Variants in UBE2E2 observed in about 807,000 individuals in gnomAD.
The protein encoded by UBE2E2 is ubiquitin-conjugating enzyme E2 E2.
In UBE2E2, 6 loss-of-function variants were observed where a neutral mutation model predicts 24.7. The ratio of observed to expected loss-of-function variants is 0.24; its 90% CI spans 0.13 to 0.48. The LOEUF (loss-of-function observed/expected upper bound fraction) is 0.48, where lower values mean the gene tolerates loss of function less well. UBE2E2 is among the 20% of genes least tolerant of loss of function. The probability of loss-of-function intolerance (pLI) is 0.99; values close to 1 mark genes in which losing one functional copy is unlikely to be tolerated. For synonymous variants in UBE2E2, 104 were observed against 83.6 expected, an observed-to-expected ratio of 1.24 and a Z score of -1.33; for missense variants, 169 against 245.0, an observed-to-expected ratio of 0.69 and a Z score of 2.07.
intron 3 of UBE2E2, among the ~76,000 whole-genome samples, chr3:23,422,792 A>G (rs1044771230): frequency 6.6e-6 from 1 of 152,216 alleles, no homozygotes; most frequent in Admixed American, 6.5e-5. Flanking sequence ...GTTCCTGGAA[A>G]GTGGTGTTCA....
chr3:23,441,976 T>C (rs1220519108), intron 3 of UBE2E2, among the ~76,000 whole-genome samples: 1 of 152,232 alleles, frequency 6.6e-6, no homozygotes, highest in Non-Finnish European at 1.5e-5. Context: ...GTGATTTAAA[T>C]TGAAGTTCCC....
At chr3:23,433,405 C>A (rs1343459661) in intron 3 of UBE2E2, among the ~76,000 whole-genome samples, 1 of 151,660 alleles carries the variant, frequency 6.6e-6, no homozygotes, top group Admixed American at 6.6e-5. Context: ...TGATAGAGTT[C>A]TTGAGTGTTT....
At chr3:23,225,766 C>T (rs1490897395) in intron 3 of UBE2E2, among the ~76,000 whole-genome samples, 1 of 152,126 alleles carries the variant, frequency 6.6e-6, no homozygotes, top group East Asian at 1.9e-4. Context: ...TGTCTTAACT[C>T]ATTAGGTAAG....
intron 3 of UBE2E2, among the ~76,000 whole-genome samples, chr3:23,479,416 A>G (rs1441489662): frequency 1.3e-5 from 2 of 152,200 alleles, no homozygotes; most frequent in African/African-American, 4.8e-5. Context: ...TGGAGACCCC[A>G]GGAACAGCAG....
chr3:23,411,645 A>G (rs1179103393), intron 3 of UBE2E2, among the ~76,000 whole-genome samples: 1 of 152,186 alleles, frequency 6.6e-6, no homozygotes. Context: ...CTTCGTCTAT[A>G]ATTGTATGTC....
At chr3:23,222,817 C>G (rs868286257) in intron 3 of UBE2E2, among the ~76,000 whole-genome samples, 2 of 149,380 alleles carry the variant, frequency 1.3e-5, no homozygotes, top group African/African-American at 4.9e-5. Context: ...AGTGGCTGTA[C>G]TAATTTACAT....
At chr3:23,232,026 TA>T (rs1271138418) in intron 3 of UBE2E2, among the ~76,000 whole-genome samples, 2 of 152,198 alleles carry the variant, frequency 1.3e-5, no homozygotes, top group Non-Finnish European at 2.9e-5. Flanking sequence ...TTGGACCTCT[TA>T]TGGAGACCTT....
At chr3:23,352,710 A>G (rs1210501836) in intron 3 of UBE2E2, among the ~76,000 whole-genome samples, 1 of 152,180 alleles carries the variant, frequency 6.6e-6, no homozygotes, top group African/African-American at 2.4e-5. Context: ...TGAATAGACC[A>G]ATAACAGGCT....
rs1696743045 is a variant in UBE2E2, at chr3:23,590,791, T to C, written c.*960T>C. 1.3e-5 allele frequency: 2 copies of C among 152,262 alleles called. No individual in the cohort carries two copies. The highest frequency in any genetic ancestry group is 4.1e-4 in the South Asian group (2 of 4,834). 9.4% of individuals were successfully genotyped at this position (152,262 alleles called of 1,614,324 possible). On this transcript the variant is annotated 3_prime_UTR_variant, in exon 6 of 6. Transcript: ENST00000396703. ...TTGTTATAGTAAATTGCTATCATTT[T>C]ACATATTGACTGGGCATTCTTTCTG...
chr3:23,398,324 C>CAAAA (rs57071884), intron 3 of UBE2E2, among the ~76,000 whole-genome samples: 2 of 140,762 alleles, frequency 1.4e-5, no homozygotes, highest in Admixed American at 7.1e-5. Context: ...AAAAAAAAAA[C>CAAAA]AAAAAAAAAC....
At chr3:23,375,761 G>C (rs569832152) in intron 3 of UBE2E2, among the ~76,000 whole-genome samples, 1 of 152,248 alleles carries the variant, frequency 6.6e-6, no homozygotes, top group Non-Finnish European at 1.5e-5. Flanking sequence ...TCTTGAATAT[G>C]CTCTAGACAC....
At chr3:23,518,001 A>G (rs555018450) in intron 4 of UBE2E2, among the ~76,000 whole-genome samples, 1 of 152,260 alleles carries the variant, frequency 6.6e-6, no homozygotes, top group East Asian at 1.9e-4. Flanking sequence ...ATTCTGAGTC[A>G]TTCTTATTCC....
At chr3:23,225,758 T>A (rs1696801370) in intron 3 of UBE2E2, among the ~76,000 whole-genome samples, 1 of 152,218 alleles carries the variant, frequency 6.6e-6, no homozygotes, top group Non-Finnish European at 1.5e-5. Flanking sequence ...TTTTTCATTG[T>A]CTTAACTCAT....
At chr3:23,507,373 C>T (rs1163969642) in intron 4 of UBE2E2, among the ~76,000 whole-genome samples, 2 of 152,172 alleles carry the variant, frequency 1.3e-5, no homozygotes, top group African/African-American at 4.8e-5. Flanking sequence ...TTTCCCTTTC[C>T]CCAATTAGCA....
In UBE2E2 at chr3:23,570,837, C is replaced by T. The variant is rs187396505; in HGVS notation, c.509-18897C>T. Among the ~76,000 whole-genome samples the T allele has an allele frequency of 8.5e-5, 13 of 152,270 alleles. No homozygotes were observed. The East Asian group carries it at 2.3e-3, about 27-fold the overall frequency. On this transcript the variant is annotated intron_variant, in intron 5 of 5. Transcript: ENST00000396703. ...TTCAAATACTAGAAGAATGTGTCCTCCAATTTTTGTACTGTTCACAGTGTG... is the reference window on the plus strand; with the variant it reads ...TTCAAATACTAGAAGAATGTGTCCTTCAATTTTTGTACTGTTCACAGTGTG...
intron 3 of UBE2E2, among the ~76,000 whole-genome samples, chr3:23,261,427 G>C (rs534178046): frequency 6.6e-6 from 1 of 152,064 alleles, no homozygotes; most frequent in Non-Finnish European, 1.5e-5. Flanking sequence ...TAGCTAACAC[G>C]TGTATCACCT....
intron 3 of UBE2E2, among the ~76,000 whole-genome samples, chr3:23,256,186 G>A (rs1235854748): frequency 2.0e-5 from 3 of 152,158 alleles, no homozygotes; most frequent in Admixed American, 2.0e-4. Context: ...TGGTTACAGA[G>A]TTCTTTTTGG....
At chr3:23,246,628 C>T (rs932312812) in intron 3 of UBE2E2, among the ~76,000 whole-genome samples, 1 of 152,080 alleles carries the variant, frequency 6.6e-6, no homozygotes, top group African/African-American at 2.4e-5. Flanking sequence ...AAACAGTCCT[C>T]CTGCCTCAGC....
chr3:23,418,594 T>C (rs1697710462), intron 3 of UBE2E2, among the ~76,000 whole-genome samples: 2 of 152,178 alleles, frequency 1.3e-5, no homozygotes, highest in African/African-American at 4.8e-5. Flanking sequence ...ATTATTCTTG[T>C]ATAGAGTTGT....
Sources: allele counts gnomAD v4.1 joint callset (sites outside exome capture counted in the v4.1 genomes callset), GRCh38; gene constraint gnomAD v4.1.1; transcripts MANE v1.5; gene names NCBI Gene and HGNC (gene_info 2026-07-23, HGNC 2026-07-21).